CLIP1: variants seen among roughly 807,000 people sequenced by gnomAD.
CLIP1 encodes CAP-Gly domain containing linker protein 1, also known as CAP-Gly domain-containing linker protein 1.
Under a neutral mutation model 161.6 loss-of-function variants are expected in CLIP1, and 66 were observed. That is an observed-to-expected ratio of 0.41 (90% CI 0.33 to 0.50). CLIP1 has a LOEUF of 0.50. CLIP1 is among the 20% of genes least tolerant of loss of function. The probability of loss-of-function intolerance (pLI) is 0.27; values close to 1 mark genes in which losing one functional copy is unlikely to be tolerated. For missense variants in CLIP1, 1,376 were observed against 1,702.0 expected, an observed-to-expected ratio of 0.81 and a Z score of 3.37; for synonymous variants, 598 against 626.2, an observed-to-expected ratio of 0.96 and a Z score of 0.67.
At chr12:122,353,473 G>C (rs1246444344) in intron 7 of CLIP1, among the ~76,000 whole-genome samples, 1 of 152,126 alleles carries the variant, frequency 6.6e-6, no homozygotes. Context: ...AAATTAGCCA[G>C]GCATGTTGGC....
intron 21 of CLIP1, among the ~76,000 whole-genome samples, chr12:122,283,457 TTTTC>T (rs1232849326): frequency 2.0e-5 from 3 of 150,872 alleles, no homozygotes; most frequent in African/African-American, 7.3e-5. Flanking sequence ...TCTTTCTTTC[TTTTC>T]TTTTTTTTTT....
intron 24 of CLIP1, 178 bp from the exon 25 acceptor site, chr12:122,274,340 G>C: frequency 1.9e-6 from 1 of 540,116 alleles, no homozygotes; most frequent in South Asian, 2.1e-5. Context: ...CTGAGATTGT[G>C]TGAGTAAAGA....
At chr12:122,350,021 C>T (rs941654066) in intron 9 of CLIP1, among the ~76,000 whole-genome samples, 2 of 151,910 alleles carry the variant, frequency 1.3e-5, no homozygotes, top group Non-Finnish European at 2.9e-5. Context: ...TCTCCTGCCT[C>T]AGCCTCCCTA....
intron 1 of CLIP1, among the ~76,000 whole-genome samples, chr12:122,387,572 ATATATATATATATATATATTTTTTT>A (rs1336476685): frequency 6.2e-4 from 5 of 8,054 alleles, no homozygotes; most frequent in Admixed American, 2.4e-3. Context: ...ATATATATAT[ATATATATATATATATATATTTTTTT>A]TTTTTTTTTT....
At chr12:122,273,864 T>C (rs2136184103) in intron 25 of CLIP1, among the ~76,000 whole-genome samples, 174 bp downstream of exon 25, 1 of 152,230 alleles carries the variant, frequency 6.6e-6, no homozygotes, top group East Asian at 1.9e-4. Flanking sequence ...CCCAAGTAGC[T>C]GGGATTACAG....
chr12:122,387,549 TATATA>T (rs1566208936), intron 1 of CLIP1, among the ~76,000 whole-genome samples: 47 of 14,066 alleles, frequency 3.3e-3, no homozygotes, highest in South Asian at 8.7e-3. Context: ...TGCCTTTTCA[TATATA>T]TATATATATA....
intron 3 of CLIP1, among the ~76,000 whole-genome samples, chr12:122,376,946 A>G (rs1214277559): frequency 4.6e-5 from 7 of 152,016 alleles, no homozygotes; most frequent in Non-Finnish European, 5.9e-5. Context: ...TTTCTCTATA[A>G]AAGAGTGGTC....
In CLIP1 at chr12:122,341,779, T is replaced by C. The variant is rs1952519289; in HGVS notation, c.1507-82A>G. On this transcript the variant is annotated intron_variant, in intron 10 of 25. Coordinates refer to ENST00000620786, the MANE Select transcript of CLIP1 (RefSeq NM_001247997.2). ...TTTCTTTTCTTTTTTTTTTTTTTTT[T>C]TTTTTTTTTTTTTTTTTTTTTGAGA... 77 of 713,716 alleles carry C rather than the reference T, an allele frequency of 1.1e-4. 1 individual carries two copies. Among genetic ancestry groups the C allele is most frequent in the East Asian group, 6.6e-5 (2 of 30,150 alleles). The allele number at this position is 713,716 out of a possible 1,614,324, so 44.2% of individuals were successfully genotyped here.
At chr12:122,400,521 A>T (rs899491275) in intron 1 of CLIP1, 3 of 148,304 alleles carry the variant, frequency 2.0e-5, no homozygotes, top group African/African-American at 7.4e-5. Flanking sequence ...CTTTGGGGGC[A>T]CATGGGAAAT....
intron 1 of CLIP1, among the ~76,000 whole-genome samples, chr12:122,388,248 C>A (rs1325381709): frequency 6.7e-6 from 1 of 148,632 alleles, no homozygotes; most frequent in East Asian, 2.0e-4. Context: ...GAGATGGAGT[C>A]TCACTCTGCC....
At chr12:122,413,539 G>A (rs1490914132) in intron 1 of CLIP1, among the ~76,000 whole-genome samples, 5 of 152,134 alleles carry the variant, frequency 3.3e-5, no homozygotes, top group Admixed American at 6.6e-5. Flanking sequence ...AAGCAAAGGA[G>A]CAAACAAACA....
chr12:122,392,963 G>A (rs888770708), intron 1 of CLIP1, among the ~76,000 whole-genome samples: 2 of 151,952 alleles, frequency 1.3e-5, no homozygotes, highest in African/African-American at 4.8e-5. Context: ...TGTATTTTTA[G>A]TAGAGACAGG....
At chr12:122,312,756 C>T (rs891869950) in intron 19 of CLIP1, among the ~76,000 whole-genome samples, 2 of 152,082 alleles carry the variant, frequency 1.3e-5, no homozygotes, top group African/African-American at 4.8e-5. Context: ...CAGAGTGACA[C>T]CCTGTCTCAA....
At chr12:122,284,698 A>C (rs1258533991) in intron 21 of CLIP1, among the ~76,000 whole-genome samples, 1 of 152,118 alleles carries the variant, frequency 6.6e-6, no homozygotes, top group African/African-American at 2.4e-5. Flanking sequence ...GCCTAACCAT[A>C]TTTTGAAAGG....
At chr12:122,299,184 A>G (rs531150746) in intron 20 of CLIP1, among the ~76,000 whole-genome samples, 2 of 151,704 alleles carry the variant, frequency 1.3e-5, no homozygotes, top group South Asian at 4.2e-4. Context: ...ACCCTTAACT[A>G]TGCAGAGGCA....
At position 122,357,803 on chromosome 12, in the gene CLIP1, G is replaced by C. The variant is rs552790883; in HGVS notation, c.1006-2491C>G. On this transcript the variant is annotated intron_variant, in intron 5 of 25. Transcript: ENST00000620786. ...CTCTGCCCGGCTAGCCGCCCCATCC[G>C]GGAGGGAGGTGGGGGGGGTCAGCCC... Among the ~76,000 whole-genome samples, 120 of 149,400 alleles carry C rather than the reference G, an allele frequency of 8.0e-4. 2 individuals carry two copies. The South Asian group carries it at 0.023, about 29-fold the overall frequency.
chr12:122,377,857 T>G lies in CLIP1; in HGVS notation c.189A>C (p.Arg63=), dbSNP rs751089406. 20 of 1,613,822 alleles carry G rather than the reference T, an allele frequency of 1.2e-5. No homozygotes were observed. The highest frequency in any genetic ancestry group is 1.6e-4 in the Middle Eastern group (1 of 6,082). ...CAGGCTTATTTCCATTCACCCAAAC[T>G]CGCTCCCCAACTCGAAAGTCATCCA... ...EFVDDFRVGE[R]VWVNGNKPGF... Residue 63 remains arginine, a synonymous_variant, in exon 3 of 26, where the codon CGA becomes CGC. Transcript: ENST00000620786.
In CLIP1 at chr12:122,377,327, A is replaced by G. The variant is rs555644521; in HGVS notation, c.657+62T>C. 8 of 1,449,744 alleles carry G rather than the reference A, an allele frequency of 5.5e-6. No individual in the cohort carries two copies. The East Asian group carries it at 1.1e-4, about 21-fold the overall frequency. 89.8% of individuals were successfully genotyped at this position (1,449,744 alleles called of 1,614,324 possible). A position where few individuals can be genotyped will look rare whatever the true frequency, so the allele number is the denominator to read the frequency against. ...CCAGCCCTGATGTGTGTGTATTTCAACCACTCACTGGTGTTTATATCTCAG... is the reference window on the plus strand; with the variant it reads ...CCAGCCCTGATGTGTGTGTATTTCAGCCACTCACTGGTGTTTATATCTCAG... On this transcript the variant is annotated intron_variant, in intron 3 of 25. Coordinates refer to ENST00000620786, the MANE Select transcript of CLIP1 (RefSeq NM_001247997.2).
intron 1 of CLIP1, chr12:122,395,309 G>A (rs989779304): frequency 6.6e-6 from 1 of 152,142 alleles, no homozygotes; most frequent in Non-Finnish European, 1.5e-5. Context: ...AAAATAAAGA[G>A]GGCCTGGTGT....
Sources: gnomAD v4.1 joint callset for allele counts (sites outside exome capture counted in the v4.1 genomes callset) on GRCh38, gnomAD v4.1.1 for gene constraint, MANE v1.5 for transcripts, NCBI Gene and HGNC (gene_info 2026-07-23, HGNC 2026-07-21) for gene names.